Variants in CDYL2 observed in about 807,000 individuals in gnomAD.
CDYL2 encodes the protein chromodomain Y like 2, also known as chromodomain Y-like protein 2.
A neutral mutation model predicts 49.4 loss-of-function variants in CDYL2; 23 were observed. The ratio of observed to expected loss-of-function variants is 0.47; its 90% CI spans 0.34 to 0.66. CDYL2 has a LOEUF of 0.66. Among genes scored for constraint, CDYL2 ranks in the 30% least tolerant of loss-of-function variants. CDYL2 has a pLI of 0.01. For synonymous variants in CDYL2, 360 were observed against 268.8 expected, an observed-to-expected ratio of 1.34 and a Z score of -3.32; for missense variants, 678 against 656.4, an observed-to-expected ratio of 1.03 and a Z score of -0.36.
In CDYL2 at chr16:80,803,915, C is replaced by G. The variant is rs183660830; in HGVS notation, c.24+235G>C. ...TAGATGGAGTAAGAGAGTGTGTGTG[C>G]GAGAGAAAGAGAAAGAGGGAGCGGG... On this transcript the variant is annotated intron_variant, in intron 1 of 6. Transcript: ENST00000570137. Among the ~76,000 whole-genome samples the G allele has an allele frequency of 8.6e-3, 1,243 of 144,338 alleles. 17 individuals are homozygous for G. Among genetic ancestry groups the G allele is most frequent in the African/African-American group, 0.03 (1,196 of 40,092 alleles). The allele number at this position is 144,338 out of a possible 152,430, so 94.7% of individuals were successfully genotyped here. A position where few individuals can be genotyped will look rare whatever the true frequency, so the allele number is the denominator to read the frequency against.
At chr16:80,719,588 G>T (rs141282907) in intron 1 of CDYL2, among the ~76,000 whole-genome samples, 1 of 152,094 alleles carries the variant, frequency 6.6e-6, no homozygotes, top group South Asian at 2.1e-4. Flanking sequence ...CCATCACATG[G>T]GGCCTAGCCA....
At position 80,685,281 on chromosome 16, in the gene CDYL2, C is replaced by T. The variant is rs549301570; in HGVS notation, c.25-152G>A. 16 of 628,772 alleles carry T rather than the reference C, an allele frequency of 2.5e-5. No homozygotes were observed. In the East Asian group the frequency reaches 3.2e-4, roughly 13 times the overall value. The allele number at this position is 628,772 out of a possible 1,614,324, so 38.9% of individuals were successfully genotyped here. A position where few individuals can be genotyped will look rare whatever the true frequency, so the allele number is the denominator to read the frequency against. ...AGCCATTCAATGCCAGAAGCCAACA[C>T]TGGCAGGAGGGTTCAAGAAGGCTGG... On this transcript the variant is annotated intron_variant, in intron 1 of 6. Coordinates refer to ENST00000570137, the MANE Select transcript of CDYL2 (RefSeq NM_152342.4).
intron 1 of CDYL2, among the ~76,000 whole-genome samples, chr16:80,697,235 G>T (rs1263825458): frequency 2.0e-5 from 3 of 152,102 alleles, no homozygotes; most frequent in African/African-American, 7.2e-5. Context: ...ATAATCAAGT[G>T]GGATTTATCC....
chr16:80,627,473 T>G (rs1907355555), intron 3 of CDYL2: 1 of 152,246 alleles, frequency 6.6e-6, no homozygotes, highest in South Asian at 2.1e-4. Context: ...AATTTGCATT[T>G]TATTGATACA....
intron 1 of CDYL2, among the ~76,000 whole-genome samples, chr16:80,800,052 G>C (rs1907880437): frequency 6.6e-6 from 1 of 152,076 alleles, no homozygotes; most frequent in African/African-American, 2.4e-5. Flanking sequence ...TTTATACTTT[G>C]CAGCAATCAA....
intron 3 of CDYL2, among the ~76,000 whole-genome samples, chr16:80,629,036 C>G (rs1907431491): frequency 6.6e-6 from 1 of 152,242 alleles, no homozygotes; most frequent in South Asian, 2.1e-4. Flanking sequence ...AGCATGAAAG[C>G]AAACCAGGTG....
intron 1 of CDYL2, among the ~76,000 whole-genome samples, chr16:80,719,691 T>C (rs767870904): frequency 6.6e-6 from 1 of 152,190 alleles, no homozygotes; most frequent in Non-Finnish European, 1.5e-5. Flanking sequence ...CCCCTATGTC[T>C]TGTCCTCTCT....
chr16:80,735,331 G>T (rs1407648529), intron 1 of CDYL2, among the ~76,000 whole-genome samples: 2 of 152,090 alleles, frequency 1.3e-5, no homozygotes, highest in South Asian at 4.1e-4. Flanking sequence ...ATTTTTTTCT[G>T]AGAAAAATAA....
At chr16:80,695,967 T>C (rs1597180565) in intron 1 of CDYL2, among the ~76,000 whole-genome samples, 1 of 152,196 alleles carries the variant, frequency 6.6e-6, no homozygotes, top group Non-Finnish European at 1.5e-5. Flanking sequence ...CATTAGCACA[T>C]GAAGCATTCT....
intron 1 of CDYL2, among the ~76,000 whole-genome samples, chr16:80,738,483 T>C (rs1232467701): frequency 6.6e-6 from 1 of 152,090 alleles, no homozygotes; most frequent in Non-Finnish European, 1.5e-5. Context: ...TTAGAAAATA[T>C]TATGCTAAGT....
intron 1 of CDYL2, among the ~76,000 whole-genome samples, chr16:80,725,916 T>C (rs1295331273): frequency 6.6e-6 from 1 of 152,254 alleles, no homozygotes; most frequent in Non-Finnish European, 1.5e-5. Flanking sequence ...CATTGGGGCA[T>C]GAAGTTTTCA....
At chr16:80,777,577 T>G (rs561708717) in intron 1 of CDYL2, among the ~76,000 whole-genome samples, 2 of 152,254 alleles carry the variant, frequency 1.3e-5, no homozygotes, top group East Asian at 3.9e-4. Context: ...TGAAAATACA[T>G]TTTGTACATT....
rs145163149 is a variant in CDYL2, at chr16:80,767,352, A to G, written c.24+36798T>C. Reference sequence around the variant, plus strand: ...CTATTTTACTTTGGAGACACTAAATATACTAAGCTGAATTTCTCAGGGAAG... The same window carrying G: ...CTATTTTACTTTGGAGACACTAAATGTACTAAGCTGAATTTCTCAGGGAAG... On this transcript the variant is annotated intron_variant, in intron 1 of 6. Coordinates refer to ENST00000570137, the MANE Select transcript of CDYL2 (RefSeq NM_152342.4). Among the ~76,000 whole-genome samples, 458 of 152,340 alleles carry G rather than the reference A, an allele frequency of 3.0e-3. 2 individuals carry two copies. Among genetic ancestry groups the G allele is most frequent in the African/African-American group, 0.011 (447 of 41,576 alleles).
intron 1 of CDYL2, among the ~76,000 whole-genome samples, chr16:80,714,860 G>A (rs1045150702): frequency 2.6e-5 from 4 of 152,134 alleles, no homozygotes; most frequent in Non-Finnish European, 5.9e-5. Flanking sequence ...TGAAAGGTGA[G>A]CATTTACAAA....
intron 1 of CDYL2, among the ~76,000 whole-genome samples, chr16:80,747,487 C>A (rs1905972061): frequency 6.6e-6 from 1 of 152,194 alleles, no homozygotes; most frequent in Non-Finnish European, 1.5e-5. Flanking sequence ...AATCTAGACA[C>A]AAGGCCTGGG....
At chr16:80,797,681 G>A (rs539853547) in intron 1 of CDYL2, among the ~76,000 whole-genome samples, 3 of 152,214 alleles carry the variant, frequency 2.0e-5, no homozygotes, top group East Asian at 3.9e-4. Context: ...TTAAACCACT[G>A]TTATTGTACA....
chr16:80,637,869 G>A (rs9940133), intron 2 of CDYL2, among the ~76,000 whole-genome samples: 8,921 of 152,120 alleles, frequency 0.059, 789 homozygotes, highest in African/African-American at 0.2. Flanking sequence ...AGCATCACAC[G>A]TATTCCAAAA....
intron 5 of CDYL2, among the ~76,000 whole-genome samples, chr16:80,611,732 A>C (rs566209808): frequency 2.9e-4 from 44 of 152,334 alleles, no homozygotes; most frequent in Non-Finnish European, 4.6e-4. Flanking sequence ...CAAAATGGGG[A>C]TCACAGCTGT....
At chr16:80,691,251 C>G (rs1910402986) in intron 1 of CDYL2, among the ~76,000 whole-genome samples, 3 of 152,208 alleles carry the variant, frequency 2.0e-5, no homozygotes, top group Admixed American at 2.0e-4. Flanking sequence ...AGGGCGAAGG[C>G]ACCCCATGGT....
Sources: gnomAD v4.1 joint callset for allele counts (sites outside exome capture counted in the v4.1 genomes callset) on GRCh38, gnomAD v4.1.1 for gene constraint, MANE v1.5 for transcripts, NCBI Gene and HGNC (gene_info 2026-07-23, HGNC 2026-07-21) for gene names.